Variants in UBE2E2 observed in about 807,000 individuals in gnomAD.
The protein encoded by UBE2E2 is ubiquitin-conjugating enzyme E2 E2.
UBE2E2 carries 6 observed loss-of-function variants against 24.7 expected under a neutral mutation model. That is an observed-to-expected ratio of 0.24 (90% confidence interval 0.13 to 0.48). The LOEUF (loss-of-function observed/expected upper bound fraction) is 0.48. Ranked by LOEUF, UBE2E2 falls within the 20% of genes least tolerant of loss-of-function variation. UBE2E2 has a pLI of 0.99. For synonymous variants in UBE2E2, 104 were observed against 83.6 expected (o/e 1.24, Z -1.33); for missense variants, 169 against 245.0 (o/e 0.69, Z 2.07).
At chr3:23,300,284 T>C (rs2125261212) in intron 3 of UBE2E2, among the ~76,000 whole-genome samples, 1 of 152,282 alleles carries the variant, frequency 6.6e-6, no homozygotes, top group African/African-American at 2.4e-5. Flanking sequence ...TCCATTTACA[T>C]TTAAAGTTAA....
intron 3 of UBE2E2, among the ~76,000 whole-genome samples, chr3:23,255,482 AT>A (rs979023359): frequency 6.6e-6 from 1 of 152,134 alleles, no homozygotes; most frequent in African/African-American, 2.4e-5. Flanking sequence ...CAGGCTTACT[AT>A]TTATTAATGA....
At chr3:23,306,574 T>G (rs1196544559) in intron 3 of UBE2E2, among the ~76,000 whole-genome samples, 2 of 152,214 alleles carry the variant, frequency 1.3e-5, no homozygotes, top group Non-Finnish European at 2.9e-5. Context: ...AAATATCTGG[T>G]CATGATCCTT....
At chr3:23,206,263 A>G (rs1696143632) in intron 1 of UBE2E2, among the ~76,000 whole-genome samples, 1 of 152,174 alleles carries the variant, frequency 6.6e-6, no homozygotes, top group South Asian at 2.1e-4. Context: ...TACTTACAAG[A>G]TTTTAAACTT....
In UBE2E2 at chr3:23,502,330, A is replaced by T. The variant is rs560971710; in HGVS notation, c.360+2590A>T. Among the ~76,000 whole-genome samples, 4 of 151,622 alleles carry T rather than the reference A, an allele frequency of 2.6e-5. No homozygotes were observed. In the East Asian group the frequency reaches 7.8e-4, roughly 29 times the overall value. ...CAGGGAAGCAGTGGGTGTCAGGGGG[A>T]ATTACTTATAAGAGCAGATGCTTAT... is the stretch of plus-strand genomic sequence containing the variant. On this transcript the variant is annotated intron_variant, in intron 4 of 5. Transcript: ENST00000396703.
chr3:23,448,125 G>A (rs1424650201), intron 3 of UBE2E2, among the ~76,000 whole-genome samples: 1 of 151,886 alleles, frequency 6.6e-6, no homozygotes, highest in Non-Finnish European at 1.5e-5. Context: ...TTTTATCTGT[G>A]GATATCAGGG....
At chr3:23,546,496 G>A (rs1380583079) in intron 5 of UBE2E2, among the ~76,000 whole-genome samples, 3 of 92,962 alleles carry the variant, frequency 3.2e-5, no homozygotes, top group East Asian at 2.7e-4. Context: ...TTTTGGATTC[G>A]GAGTTTTACT....
intron 5 of UBE2E2, among the ~76,000 whole-genome samples, chr3:23,587,077 T>G (rs1359835898): frequency 6.6e-6 from 1 of 152,218 alleles, no homozygotes; most frequent in Admixed American, 6.5e-5. Context: ...TACTGTTTTA[T>G]AGTTAGTGTG....
downstream of UBE2E2, chr3:23,591,824 T>A (rs561516809): frequency 6.6e-6 from 1 of 152,332 alleles, no homozygotes; most frequent in South Asian, 2.1e-4. Flanking sequence ...AATGTTTAAT[T>A]GCCTACAGTT....
intron 5 of UBE2E2, among the ~76,000 whole-genome samples, chr3:23,539,562 TC>T (rs1695341163): frequency 6.6e-6 from 1 of 152,196 alleles, no homozygotes; most frequent in Non-Finnish European, 1.5e-5. Context: ...TTTCCTTACT[TC>T]TGTTTCCTTA....
Position 23,589,870 on chromosome 3 carries a change from A to G in UBE2E2, c.*39A>G, listed in dbSNP as rs752516965. Reference sequence around the variant, plus strand: ...GCCGCCCCGCGGGACCTGTGCAAGCACATTCACCAAGTGCATCGGTAGCCC... The same window carrying G: ...GCCGCCCCGCGGGACCTGTGCAAGCGCATTCACCAAGTGCATCGGTAGCCC... On this transcript the variant is annotated 3_prime_UTR_variant, in exon 6 of 6. Coordinates refer to ENST00000396703, the MANE Select transcript of UBE2E2 (RefSeq NM_152653.4). This position sits in a 1 kb window ranked among gnomAD's most constrained non-coding sequence, Gnocchi z 4.1. The G allele has an allele frequency of 6.2e-7, 1 of 1,605,858 alleles. No homozygotes were observed. Among genetic ancestry groups the G allele is most frequent in the South Asian group, 1.1e-5 (1 of 90,656 alleles).
At chr3:23,324,404 G>C (rs1355875496) in intron 3 of UBE2E2, among the ~76,000 whole-genome samples, 2 of 152,020 alleles carry the variant, frequency 1.3e-5, no homozygotes, top group African/African-American at 4.8e-5. Context: ...AATTATGAAG[G>C]GAATTTAAAA....
At chr3:23,250,771 AG>A in intron 3 of UBE2E2, among the ~76,000 whole-genome samples, 1 of 152,362 alleles carries the variant, frequency 6.6e-6, no homozygotes, top group South Asian at 2.1e-4. Flanking sequence ...GCTGCAAGAA[AG>A]CTTGGAGTTA....
intron 3 of UBE2E2, among the ~76,000 whole-genome samples, chr3:23,420,457 T>C (rs1214931890): frequency 6.6e-6 from 1 of 152,322 alleles, no homozygotes; most frequent in African/African-American, 2.4e-5. Context: ...TGACATATTA[T>C]TCAGGCTTTT....
chr3:23,263,946 T>A (rs186877926), intron 3 of UBE2E2, among the ~76,000 whole-genome samples: 4 of 152,330 alleles, frequency 2.6e-5, no homozygotes, highest in Admixed American at 2.6e-4. Context: ...CAGACTAAGT[T>A]TTTTTGTACT....
At chr3:23,518,279 T>A (rs906786218) in intron 4 of UBE2E2, among the ~76,000 whole-genome samples, 1 of 152,046 alleles carries the variant, frequency 6.6e-6, no homozygotes, top group Non-Finnish European at 1.5e-5. Flanking sequence ...AAGTGGGGAA[T>A]AGAGAAGAAC....
intron 3 of UBE2E2, among the ~76,000 whole-genome samples, chr3:23,402,779 G>A (rs1441582036): frequency 6.6e-6 from 1 of 152,168 alleles, no homozygotes; most frequent in Admixed American, 6.6e-5. Flanking sequence ...TTTTCAGAAT[G>A]TTGCCATCTG....
intron 3 of UBE2E2, among the ~76,000 whole-genome samples, chr3:23,457,342 A>AG (rs1400382505): frequency 6.6e-6 from 1 of 152,194 alleles, no homozygotes; most frequent in Non-Finnish European, 1.5e-5. Flanking sequence ...CAAAAGCTCA[A>AG]GGTATAACAC....
intron 3 of UBE2E2, among the ~76,000 whole-genome samples, chr3:23,266,886 C>G (rs1171345066): frequency 1.3e-5 from 2 of 152,186 alleles, no homozygotes; most frequent in Admixed American, 6.5e-5. Context: ...AACTAGAACT[C>G]AGGATTAAGA....
chr3:23,362,457 G>A (rs2125332558), intron 3 of UBE2E2, among the ~76,000 whole-genome samples: 1 of 152,288 alleles, frequency 6.6e-6, no homozygotes, highest in Middle Eastern at 3.4e-3. Flanking sequence ...CAGTCATGGG[G>A]CCTGGGAGCA....
Sources: gnomAD v4.1 joint callset for allele counts (sites outside exome capture counted in the v4.1 genomes callset) on GRCh38, gnomAD v4.1.1 for gene constraint, Gnocchi (gnomAD v3.1) non-coding constraint, MANE v1.5 for transcripts, NCBI Gene and HGNC (gene_info 2026-07-23, HGNC 2026-07-21) for gene names.